Variants in MSTO1 observed in about 807,000 individuals in gnomAD.
MSTO1 encodes the protein misato mitochondrial distribution and morphology regulator 1.
A neutral mutation model predicts 55.7 loss-of-function variants in MSTO1; 24 were observed. The observed-to-expected ratio is 0.43, with a 90% CI of 0.31 to 0.61. The LOEUF is 0.61. Among genes scored for constraint, MSTO1 ranks in the 20% least tolerant of loss-of-function variants. MSTO1 has a pLI of 0.09. For synonymous variants in MSTO1, 162 were observed against 252.8 expected, an observed-to-expected ratio of 0.64 and a Z score of 3.41; for missense variants, 363 against 625.7, an observed-to-expected ratio of 0.58 and a Z score of 4.48.
chr1:155,608,724 G>C (rs1011675420), upstream of MSTO1, among the ~76,000 whole-genome samples: 32 of 151,124 alleles, frequency 2.1e-4, no homozygotes, highest in Admixed American at 7.3e-4. Context: ...GGATGGTCTC[G>C]ATCTCCTGAC....
At chr1:155,574,655 C>G in the MSTO1 span, among the ~76,000 whole-genome samples, 3 of 152,114 alleles carry the variant, frequency 2.0e-5, no homozygotes, top group African/African-American at 7.2e-5. Context: ...CAACCTCTAG[C>G]TTCTTGACTC....
chr1:155,564,110 A>G, the MSTO1 span, among the ~76,000 whole-genome samples: 1 of 152,268 alleles, frequency 6.6e-6, no homozygotes, highest in African/African-American at 2.4e-5. Context: ...AAGCAGAATA[A>G]ATTACCGGAA....
the MSTO1 span, among the ~76,000 whole-genome samples, chr1:155,595,486 T>C: frequency 6.8e-6 from 1 of 146,778 alleles, no homozygotes; most frequent in East Asian, 2.1e-4. Context: ...CCTCAATTTC[T>C]TTTTCTTTTT....
At chr1:155,565,769 TC>T in the MSTO1 span, among the ~76,000 whole-genome samples, 1 of 152,224 alleles carries the variant, frequency 6.6e-6, no homozygotes, top group Non-Finnish European at 1.5e-5. Context: ...TTCTGTTTTT[TC>T]ATGTATGCCC....
At chr1:155,609,243 A>ATATATATATATATATATATATATTT (rs59756178), upstream of MSTO1, among the ~76,000 whole-genome samples, 3 of 54,574 alleles carry the variant, frequency 5.5e-5, no homozygotes, top group East Asian at 1.9e-3. Context: ...ATATATATAT[A>ATATATATATATATATATATATATTT]TTTTTTTTTT....
Position 155,613,187 on chromosome 1 carries a change from G to C in MSTO1, c.1237G>C (p.Ala413Pro). ...GGAGCCTTCTGGAACACGTTGCTTT[G>C]CCCAGTCAGTGGTGCTGAGGGGTAT... ...CGEPSGTRCF[A>P]QSVVLRGIDR... The change falls in exon 11 of 14, where the codon GCC (alanine) becomes CCC (proline). Residue 413 changes from alanine (A) to proline (P), a missense_variant. Ala to Pro is a conservative substitution (Grantham distance 27). This residue lies in a region of MSTO1 where 231 missense variants were observed against 286.9 expected (regional missense o/e 0.81). Coordinates refer to ENST00000245564, the MANE Select transcript of MSTO1 (RefSeq NM_018116.4). 6.2e-7 allele frequency: 1 copy of C among 1,614,090 alleles called. No individual in the cohort carries two copies. Among genetic ancestry groups the C allele is most frequent in the Non-Finnish European group, 8.5e-7 (1 of 1,180,028 alleles).
In MSTO1 at chr1:155,613,091, G is replaced by C; in HGVS notation, c.1141G>C (p.Gly381Arg). The change falls in exon 11 of 14, where the codon GGC (glycine) becomes CGC (arginine). Residue 381 changes from glycine (G) to arginine (R), a missense_variant. Transcript: ENST00000245564. ...AATCATCCCTTTCCCCTTGGCTCCA[G>C]GCCAGTCCCTTCCTGATTCCCTGAT... ...GAIIPFPLAP[G>R]QSLPDSLMQF... 5 of 1,613,768 alleles carry C rather than the reference G, an allele frequency of 3.1e-6. No homozygotes were observed. Among genetic ancestry groups the C allele is most frequent in the Non-Finnish European group, 4.2e-6 (5 of 1,180,020 alleles).
At chr1:155,563,433 C>T in the MSTO1 span, 11 of 456,552 alleles carry the variant, frequency 2.4e-5, no homozygotes, top group African/African-American at 6.0e-5. Flanking sequence ...GGCGCGCCTC[C>T]GGGGGGATTC....
At position 155,613,302 on chromosome 1, in the gene MSTO1, C is replaced by A. The variant is rs1231793814; in HGVS notation, c.1283+69C>A. 43 of 1,581,158 alleles carry A rather than the reference C, an allele frequency of 2.7e-5. 1 individual carries two copies. In the Admixed American group the frequency reaches 7.6e-4, roughly 28 times the overall value. On this transcript the variant is annotated intron_variant, in intron 11 of 13. Transcript: ENST00000245564. ...TCATATCCATCTTCCCCTAATTTCT[C>A]TGGGGCATTCTAATGATACTGTTCC...
At chr1:155,567,708 T>A in the MSTO1 span, among the ~76,000 whole-genome samples, 7 of 151,186 alleles carry the variant, frequency 4.6e-5, no homozygotes, top group Non-Finnish European at 1.0e-4. Context: ...GTTCCTGGGA[T>A]TTAGGCATGA....
At chr1:155,587,168 G>A in the MSTO1 span, among the ~76,000 whole-genome samples, 191 of 152,282 alleles carry the variant, frequency 1.3e-3, no homozygotes, top group African/African-American at 4.4e-3. Context: ...TTGGCCGGGC[G>A]CCGTGGCTCA....
the MSTO1 span, among the ~76,000 whole-genome samples, chr1:155,601,914 C>T: frequency 6.6e-6 from 1 of 151,996 alleles, no homozygotes; most frequent in African/African-American, 2.4e-5. Context: ...GCCACTATGC[C>T]CAGCTAATTT....
chr1:155,580,429 G>A, the MSTO1 span, among the ~76,000 whole-genome samples: 1 of 152,058 alleles, frequency 6.6e-6, no homozygotes, highest in Non-Finnish European at 1.5e-5. Context: ...CAGTTACTTG[G>A]GAGGCTGAGG....
the MSTO1 span, among the ~76,000 whole-genome samples, chr1:155,571,558 C>T: frequency 1.1e-4 from 16 of 152,064 alleles, no homozygotes; most frequent in Non-Finnish European, 2.1e-4. Context: ...GACCCTATCT[C>T]AAACAAAAAC....
chr1:155,611,218 A>G lies in MSTO1; in HGVS notation c.293A>G (p.Gln98Arg), dbSNP rs146175548. 573 of 1,605,292 alleles carry G rather than the reference A, an allele frequency of 3.6e-4. 1 individual carries two copies. In the African/African-American group the frequency reaches 6.8e-3, roughly 19 times the overall value. The change falls in exon 4 of 14, where the codon CAG becomes CGG. Residue 98 changes from glutamine to arginine, a missense_variant and splice_region_variant. Physicochemically the swap from Gln to Arg is conservative, Grantham distance 43. Transcript: ENST00000245564. Reference protein sequence around the residue: ...DKQLDAAIAWQGKLTTHKEEL... With the variant: ...DKQLDAAIAWRGKLTTHKEEL... ...GATCAATCTCCAAACTCTTTCAGGC[A>G]GGGGAAGCTCACCACACACAAAGAG...
the MSTO1 span, among the ~76,000 whole-genome samples, chr1:155,565,065 G>C: frequency 1.3e-5 from 2 of 152,068 alleles, no homozygotes; most frequent in South Asian, 4.2e-4. Flanking sequence ...AGATTTCAGT[G>C]AGTGGAGATT....
Position 155,612,979 on chromosome 1 carries a change from T to C in MSTO1, c.1098+4T>C, listed in dbSNP as rs774444100. 6.2e-7 allele frequency: 1 copy of C among 1,613,980 alleles called. No individual in the cohort carries two copies. The highest frequency in any genetic ancestry group is 1.1e-5 in the South Asian group (1 of 91,078). ...GCTGAGCTTCTGTGGGAAAAAGGTA[T>C]GAAGCTTTGTAAGGGGTTGGGTCAG... On this transcript the variant is annotated splice_donor_region_variant and intron_variant, in intron 10 of 13. Transcript: ENST00000245564.
the MSTO1 span, among the ~76,000 whole-genome samples, chr1:155,596,118 A>T: frequency 6.6e-6 from 1 of 152,190 alleles, no homozygotes; most frequent in Non-Finnish European, 1.5e-5. Flanking sequence ...GAAAAAAATA[A>T]TCACCCATTA....
the MSTO1 span, among the ~76,000 whole-genome samples, chr1:155,581,879 C>T: frequency 2.6e-5 from 4 of 151,276 alleles, no homozygotes; most frequent in East Asian, 1.9e-4. Context: ...CTACAACCTC[C>T]GCATCCCCGG....
Sources: gnomAD v4.1 joint callset for allele counts (sites outside exome capture counted in the v4.1 genomes callset) on GRCh38, gnomAD v4.1.1 for gene constraint, gnomAD v4.1.1 regional missense constraint, MANE v1.5 for transcripts, NCBI Gene and HGNC (gene_info 2026-07-23, HGNC 2026-07-21) for gene names.